CAMTA1: variants seen among roughly 807,000 people sequenced by gnomAD.
CAMTA1 encodes calmodulin binding transcription activator 1.
In CAMTA1, 27 loss-of-function variants were observed where a neutral mutation model predicts 170.9. The observed-to-expected ratio is 0.16, with a 90% CI of 0.12 to 0.22. CAMTA1 has a LOEUF of 0.22. CAMTA1 is among the 10% of genes least tolerant of loss of function. CAMTA1 has a pLI of 1.00. For missense variants in CAMTA1, 1,619 were observed against 2,217.2 expected (o/e 0.73, Z 5.42); for synonymous variants, 833 against 891.5 (o/e 0.93, Z 1.17).
At chr1:7,363,342 G>T (rs2085702688) in intron 5 of CAMTA1, among the ~76,000 whole-genome samples, 1 of 151,910 alleles carries the variant, frequency 6.6e-6, no homozygotes. Flanking sequence ...CTTTAAGAGG[G>T]CTCTAGCTAT....
chr1:6,879,414 T>C (rs1274427546), intron 3 of CAMTA1, among the ~76,000 whole-genome samples: 1 of 152,188 alleles, frequency 6.6e-6, no homozygotes, highest in African/African-American at 2.4e-5. Flanking sequence ...CTGCTCTGAG[T>C]AAACAGCCAT....
rs1279706584 is a variant in CAMTA1, at chr1:7,665,031, G to A, written c.2484G>A (p.Gln828=). ...GCCTCCCCTGCTGTAGCCCCCAGCAGGGTAGCCTGCAGCTGAGCAGCTCGG... is the reference window on the plus strand; with the variant it reads ...GCCTCCCCTGCTGTAGCCCCCAGCAAGGTAGCCTGCAGCTGAGCAGCTCGG... ...EMCLPCCSPQ[Q]GSLQLSSSEG... Residue 828 remains glutamine (Q), a synonymous_variant, in exon 9 of 23, where the codon CAG becomes CAA. Transcript: ENST00000303635. This position sits in a 1 kb window ranked among gnomAD's most constrained non-coding sequence, Gnocchi z 4.3. The A allele has an allele frequency of 1.9e-6, 3 of 1,589,192 alleles. No homozygotes were observed. The highest frequency in any genetic ancestry group is 3.4e-5 in the Admixed American group (2 of 58,526).
chr1:7,537,922 C>G (rs1227481875), intron 6 of CAMTA1, among the ~76,000 whole-genome samples: 1 of 152,194 alleles, frequency 6.6e-6, no homozygotes, highest in Non-Finnish European at 1.5e-5. Flanking sequence ...TCAAAGGGGT[C>G]TTTTCCTATT....
At chr1:7,078,503 A>G (rs140645597) in intron 3 of CAMTA1, among the ~76,000 whole-genome samples, 19 of 152,346 alleles carry the variant, frequency 1.2e-4, no homozygotes, top group African/African-American at 4.6e-4. Flanking sequence ...CTCTGAGACA[A>G]CAATGACACC....
chr1:6,834,865 C>CT (rs943415960), intron 3 of CAMTA1, among the ~76,000 whole-genome samples: 2 of 152,294 alleles, frequency 1.3e-5, no homozygotes, highest in African/African-American at 4.8e-5. Context: ...TCTTGAACTC[C>CT]TGGGCTCAAG....
intron 5 of CAMTA1, among the ~76,000 whole-genome samples, chr1:7,394,051 G>A (rs1575093527): frequency 6.6e-6 from 1 of 152,140 alleles, no homozygotes. Context: ...TATGACTGAA[G>A]AGTATTCCAT....
chr1:7,648,783 C>A (rs1025439865), intron 7 of CAMTA1, among the ~76,000 whole-genome samples: 2 of 152,156 alleles, frequency 1.3e-5, no homozygotes, highest in Non-Finnish European at 1.5e-5. Context: ...AGGCCCTTCC[C>A]CAGACATTCT....
intron 3 of CAMTA1, among the ~76,000 whole-genome samples, chr1:6,967,332 G>A (rs1404925813): frequency 6.6e-6 from 1 of 152,016 alleles, no homozygotes; most frequent in Non-Finnish European, 1.5e-5. Context: ...GGGAGACATA[G>A]GGGGTTGATG....
At chr1:6,879,693 A>G (rs1670939574) in intron 3 of CAMTA1, among the ~76,000 whole-genome samples, 1 of 151,028 alleles carries the variant, frequency 6.6e-6, no homozygotes, top group African/African-American at 2.4e-5. Flanking sequence ...CAGTGGCATA[A>G]TCATGGCTTG....
rs538280830 is a variant in CAMTA1, at chr1:7,371,005, A to G, written c.439-96825A>G. On this transcript the variant is annotated intron_variant, in intron 5 of 22. Coordinates refer to ENST00000303635, the MANE Select transcript of CAMTA1 (RefSeq NM_015215.4). ...CGGCTCACTGCAAGCTCCACCTCCC[A>G]GGTTCACACCATTCTCCTGCCTCAG... Among the ~76,000 whole-genome samples the G allele has an allele frequency of 5.8e-3, 797 of 136,556 alleles. 5 individuals are homozygous for G. Among genetic ancestry groups the G allele is most frequent in the African/African-American group, 0.021 (758 of 35,934 alleles). 89.6% of individuals were successfully genotyped at this position (136,556 alleles called of 152,430 possible).
chr1:7,597,732 T>A (rs982228058), intron 6 of CAMTA1, among the ~76,000 whole-genome samples: 1 of 152,178 alleles, frequency 6.6e-6, no homozygotes, highest in African/African-American at 2.4e-5. Context: ...CAGTCTTTTT[T>A]GCATAAGACC....
At chr1:7,201,671 T>TC (rs910494122) in intron 4 of CAMTA1, among the ~76,000 whole-genome samples, 46 of 152,336 alleles carry the variant, frequency 3.0e-4, no homozygotes, top group African/African-American at 1.1e-3. Context: ...TTGTATATTT[T>TC]CCATTTGTAT....
In CAMTA1 at chr1:7,179,834, G is replaced by A. The variant is rs542225843; in HGVS notation, c.303-69657G>A. On this transcript the variant is annotated intron_variant, in intron 4 of 22. Coordinates refer to ENST00000303635, the MANE Select transcript of CAMTA1 (RefSeq NM_015215.4). ...GTTCTTACCCCAAAAGCTAGGTAAA[G>A]AAACACAAGGTAAACCAAAAGAAAG... Among the ~76,000 whole-genome samples the A allele has an allele frequency of 1.8e-3, 271 of 152,206 alleles. 1 individual carries two copies. The highest frequency in any genetic ancestry group is 6.4e-3 in the African/African-American group (267 of 41,546).
chr1:7,295,335 C>T (rs1174290777), intron 5 of CAMTA1, among the ~76,000 whole-genome samples: 1 of 152,180 alleles, frequency 6.6e-6, no homozygotes, highest in East Asian at 1.9e-4. Flanking sequence ...TCACTCAGTG[C>T]CCCGGGGTTG....
chr1:6,836,078 T>C (rs950930), intron 3 of CAMTA1, among the ~76,000 whole-genome samples: 97,735 of 151,972 alleles, frequency 0.64, 31,916 homozygotes, highest in Admixed American at 0.75. Flanking sequence ...TACCTGCCTA[T>C]CCAGCTACCT....
rs1638874895 is a variant in CAMTA1, at chr1:6,785,503, C to T, written c.-28C>T. 9.7e-6 allele frequency: 10 copies of T among 1,029,886 alleles called. No individual in the cohort carries two copies. The highest frequency in any genetic ancestry group is 1.8e-5 in the African/African-American group (1 of 55,776). 63.8% of individuals were successfully genotyped at this position (1,029,886 alleles called of 1,614,324 possible). The stretch of plus-strand genomic sequence containing the variant: ...GCGGCGGCGGTACGAGGCGCGCGCT[C>T]GGGGTCCCGGTCGCGAGGAGGAGGA... On this transcript the variant is annotated 5_prime_UTR_variant, in exon 1 of 23. Coordinates refer to ENST00000303635, the MANE Select transcript of CAMTA1 (RefSeq NM_015215.4).
intron 5 of CAMTA1, among the ~76,000 whole-genome samples, chr1:7,431,795 A>G (rs2149363515): frequency 6.6e-6 from 1 of 152,196 alleles, no homozygotes; most frequent in African/African-American, 2.4e-5. Context: ...GATCTTTGAG[A>G]CCAACTCTCT....
chr1:7,535,763 A>G (rs969064709), intron 6 of CAMTA1, among the ~76,000 whole-genome samples: 2 of 152,124 alleles, frequency 1.3e-5, no homozygotes, highest in Non-Finnish European at 2.9e-5. Context: ...GACACAACCT[A>G]TGACCCCAGG....
chr1:7,230,922 T>TC (rs1662672031), intron 4 of CAMTA1, among the ~76,000 whole-genome samples: 1 of 151,860 alleles, frequency 6.6e-6, no homozygotes, highest in Non-Finnish European at 1.5e-5. Context: ...GAACCCAGAG[T>TC]CACTCAGCAC....
Sources: gnomAD v4.1 joint callset for allele counts (sites outside exome capture counted in the v4.1 genomes callset) on GRCh38, gnomAD v4.1.1 for gene constraint, Gnocchi (gnomAD v3.1) non-coding constraint, MANE v1.5 for transcripts, NCBI Gene and HGNC (gene_info 2026-07-23, HGNC 2026-07-21) for gene names.